The following DCC variants were observed in gnomAD, a reference collection of about 807,000 sequenced individuals.
The protein encoded by DCC is netrin receptor DCC.
A neutral mutation model predicts 172.5 loss-of-function variants in DCC; 58 were observed. That is an observed-to-expected ratio of 0.34 (90% CI 0.27 to 0.42). DCC has a LOEUF of 0.42. DCC is among the 10% of genes least tolerant of loss of function. The pLI is 1.00. For synonymous variants in DCC, 709 were observed against 644.5 expected, an observed-to-expected ratio of 1.10 and a Z score of -1.52; for missense variants, 1,740 against 1,791.0, an observed-to-expected ratio of 0.97 and a Z score of 0.51.
At position 53,011,142 on chromosome 18, in the gene DCC, G is replaced by C. The variant is rs1385114253; in HGVS notation, c.986-52163G>C. ...ACTCTGACTGAAAGCAAAAACAAGA[G>C]TATGTAAATAATAATGAACGTGATA... On this transcript the variant is annotated intron_variant, in intron 5 of 28. Coordinates refer to ENST00000442544, the MANE Select transcript of DCC (RefSeq NM_005215.4). Among the ~76,000 whole-genome samples the C allele has an allele frequency of 4.0e-5, 6 of 151,514 alleles. No homozygotes were observed. The South Asian group carries it at 1.2e-3, about 31-fold the overall frequency.
At chr18:53,269,813 C>G (rs559480244) in intron 12 of DCC, among the ~76,000 whole-genome samples, 1 of 152,148 alleles carries the variant, frequency 6.6e-6, no homozygotes, top group African/African-American at 2.4e-5. Context: ...AGTCAGTTTA[C>G]TCAAGTATAA....
chr18:52,637,428 G>T (rs751604840), intron 1 of DCC, among the ~76,000 whole-genome samples: 42 of 152,156 alleles, frequency 2.8e-4, no homozygotes, highest in Admixed American at 3.9e-4. Context: ...TACCAGAAGT[G>T]AAGGGAGAAA....
At chr18:53,291,668 A>C (rs919689575) in intron 12 of DCC, among the ~76,000 whole-genome samples, 9 of 152,158 alleles carry the variant, frequency 5.9e-5, no homozygotes. Context: ...TCTAGTTCCT[A>C]CATCAAATAT....
intron 8 of DCC, among the ~76,000 whole-genome samples, chr18:53,178,211 A>G (rs2055138510): frequency 6.6e-6 from 1 of 152,228 alleles, no homozygotes; most frequent in Non-Finnish European, 1.5e-5. Flanking sequence ...CCATTTCTAA[A>G]ATGTCAGCAT....
chr18:52,533,179 A>G (rs978983520), intron 1 of DCC, among the ~76,000 whole-genome samples: 1 of 152,114 alleles, frequency 6.6e-6, no homozygotes, highest in East Asian at 1.9e-4. Flanking sequence ...CCATAGCACA[A>G]TATTATAACC....
intron 5 of DCC, among the ~76,000 whole-genome samples, chr18:52,973,932 C>A (rs571660877): frequency 1.3e-5 from 2 of 152,100 alleles, no homozygotes; most frequent in South Asian, 4.2e-4. Flanking sequence ...TTCTCCTGTG[C>A]TTTGGGCACA....
chr18:53,473,893 A>T (rs2045729388), intron 25 of DCC, among the ~76,000 whole-genome samples: 1 of 152,150 alleles, frequency 6.6e-6, no homozygotes, highest in African/African-American at 2.4e-5. Flanking sequence ...TGCTTGATCC[A>T]TCTACTCTAC....
intron 2 of DCC, among the ~76,000 whole-genome samples, chr18:52,885,020 T>G (rs540892488): frequency 2.0e-5 from 3 of 152,126 alleles, no homozygotes; most frequent in Non-Finnish European, 4.4e-5. Flanking sequence ...AAATTTCTCT[T>G]TCTGTGCAGA....
chr18:52,909,250 G>A (rs1183910010), intron 3 of DCC, among the ~76,000 whole-genome samples: 1 of 152,070 alleles, frequency 6.6e-6, no homozygotes, highest in Non-Finnish European at 1.5e-5. Context: ...ACATATGTGT[G>A]TATACATGTT....
At chr18:53,462,290 T>C (rs919441607) in intron 24 of DCC, among the ~76,000 whole-genome samples, 10 of 152,084 alleles carry the variant, frequency 6.6e-5, no homozygotes, top group South Asian at 4.1e-4. Context: ...AAGCTTCATA[T>C]GTATTTACAG....
intron 7 of DCC, among the ~76,000 whole-genome samples, chr18:53,080,979 A>C (rs571361927): frequency 6.6e-6 from 1 of 152,092 alleles, no homozygotes; most frequent in Non-Finnish European, 1.5e-5. Flanking sequence ...AACTCATTGC[A>C]CTGCCATCTT....
At chr18:52,796,788 G>A (rs1452913524) in intron 2 of DCC, among the ~76,000 whole-genome samples, 2 of 152,088 alleles carry the variant, frequency 1.3e-5, no homozygotes, top group Non-Finnish European at 2.9e-5. Flanking sequence ...AATGTGGCTT[G>A]GAGAAGACAT....
At chr18:53,369,676 A>G (rs1422300078) in intron 15 of DCC, among the ~76,000 whole-genome samples, 1 of 151,796 alleles carries the variant, frequency 6.6e-6, no homozygotes. Flanking sequence ...GAGTATTTCT[A>G]CTGAAAGGGT....
At chr18:53,231,796 CTCT>C (rs2056124952) in intron 12 of DCC, among the ~76,000 whole-genome samples, 1 of 152,038 alleles carries the variant, frequency 6.6e-6, no homozygotes, top group Admixed American at 6.6e-5. Flanking sequence ...AGTCTTCAGC[CTCT>C]TCTTATCGCA....
At chr18:53,304,378 G>T (rs1429595970) in intron 12 of DCC, among the ~76,000 whole-genome samples, 2 of 151,716 alleles carry the variant, frequency 1.3e-5, no homozygotes, top group African/African-American at 4.8e-5. Context: ...TTTTTCTCTA[G>T]GGCAAAGATA....
chr18:53,074,383 A>G (rs966305892), intron 7 of DCC, among the ~76,000 whole-genome samples: 2 of 152,182 alleles, frequency 1.3e-5, no homozygotes, highest in African/African-American at 2.4e-5. Context: ...CCAAATGCAT[A>G]AAAGTGCAAC....
intron 21 of DCC, among the ~76,000 whole-genome samples, chr18:53,427,507 G>A (rs1487943856): frequency 2.0e-5 from 3 of 152,018 alleles, no homozygotes; most frequent in Non-Finnish European, 4.4e-5. Context: ...TAGCTGTGTG[G>A]AAGGTTGTGA....
intron 2 of DCC, among the ~76,000 whole-genome samples, chr18:52,862,846 C>T (rs536529245): frequency 4.0e-4 from 61 of 151,578 alleles, no homozygotes; most frequent in Middle Eastern, 6.8e-3. Flanking sequence ...TTGAGTTCTT[C>T]CCTCTCTTTT....
intron 1 of DCC, among the ~76,000 whole-genome samples, chr18:52,656,552 T>C (rs1400205086): frequency 4.6e-5 from 7 of 152,280 alleles, no homozygotes; most frequent in African/African-American, 1.7e-4. Context: ...TACTTACATG[T>C]TGCCCATCAC....
Sources: allele counts gnomAD v4.1 joint callset (sites outside exome capture counted in the v4.1 genomes callset), GRCh38; gene constraint gnomAD v4.1.1; transcripts MANE v1.5; gene names NCBI Gene and HGNC (gene_info 2026-07-23, HGNC 2026-07-21).